The following AFF2 variants were observed in gnomAD, a reference collection of about 807,000 sequenced individuals.
AFF2 encodes ALF transcription elongation factor 2.
Under a neutral mutation model 76.9 loss-of-function variants are expected in AFF2, and 14 were observed. The ratio of observed to expected loss-of-function variants is 0.18; its 90% CI spans 0.12 to 0.28. AFF2 has a LOEUF of 0.28. Ranked by LOEUF, AFF2 falls within the 10% of genes least tolerant of loss-of-function variation. The pLI is 1.00. For synonymous variants in AFF2, 398 were observed against 366.7 expected (o/e 1.09, Z -0.98); for missense variants, 868 against 1,001.1 (o/e 0.87, Z 1.79).
chrX:148,857,682 A>T (rs73609903), intron 7 of AFF2, among the ~76,000 whole-genome samples: 7,779 of 110,686 alleles, frequency 0.07, 565 homozygotes, highest in African/African-American at 0.21. Context: ...CTTTCTCTGA[A>T]CAACATGATT....
chrX:148,796,964 T>C (rs192653898), intron 3 of AFF2, among the ~76,000 whole-genome samples: 9 of 112,437 alleles, frequency 8.0e-5, no homozygotes, highest in African/African-American at 1.6e-4. Flanking sequence ...CTAATTGTCA[T>C]TGTAGTATGT....
chrX:148,560,525 T>C, intron 1 of AFF2, among the ~76,000 whole-genome samples: 1 of 111,809 alleles, frequency 8.9e-6, no homozygotes, highest in Non-Finnish European at 1.9e-5. Context: ...AAGCCAAAAT[T>C]GACAAATGGG....
intron 18 of AFF2, 26 bp from the exon 19 acceptor site, chrX:148,980,712 C>T (rs781873051): frequency 1.7e-6 from 2 of 1,165,812 alleles, no homozygotes; most frequent in African/African-American, 1.8e-5. Context: ...GTCCTTATTT[C>T]CCTTTCTCTT....
intron 3 of AFF2, among the ~76,000 whole-genome samples, chrX:148,796,687 G>A (rs1180011416): frequency 1.8e-5 from 2 of 112,326 alleles, no homozygotes; most frequent in African/African-American, 3.2e-5. Flanking sequence ...TGAAAAGGTC[G>A]CAAGAACGCT....
chrX:148,679,168 C>G (rs2087747785), intron 3 of AFF2, among the ~76,000 whole-genome samples: 1 of 105,065 alleles, frequency 9.5e-6, no homozygotes, highest in African/African-American at 3.5e-5. Context: ...CATTTCTTTC[C>G]AAACTATATA....
At chrX:148,708,881 A>G (rs1557262640) in intron 3 of AFF2, among the ~76,000 whole-genome samples, 1 of 112,146 alleles carries the variant, frequency 8.9e-6, no homozygotes, top group Non-Finnish European at 1.9e-5. Context: ...TATATATTTT[A>G]CCGTTTTTCT....
rs190766207 is a variant in AFF2 at position 148,718,101 on chromosome X, A to G, written c.1041+55333A>G. On this transcript the variant is annotated intron_variant, in intron 3 of 20. Transcript: ENST00000370460. ...AAAGGAGTGTGGACTTACCTTTTGT[A>G]ACATCAGTGAAGAAAGGTTAAGGTT... Among the ~76,000 whole-genome samples, 16 of 109,974 alleles carry G rather than the reference A, an allele frequency of 1.5e-4. No homozygotes were observed. In the East Asian group the frequency reaches 4.3e-3, roughly 30 times the overall value.
chrX:148,843,027 T>C (rs1025419881), intron 6 of AFF2, 25 bp downstream of exon 6: 4 of 1,177,316 alleles, frequency 3.4e-6, no homozygotes, highest in Admixed American at 2.2e-5. Flanking sequence ...AAATCCTTCT[T>C]AGTCCAAACA....
intron 3 of AFF2, among the ~76,000 whole-genome samples, chrX:148,693,139 G>A (rs782348889): frequency 1.8e-5 from 2 of 110,880 alleles, no homozygotes; most frequent in South Asian, 3.9e-4. Context: ...GGATGGTCTC[G>A]AACTCCTGAC....
At chrX:148,944,345 G>T (rs2071874835) in intron 9 of AFF2, among the ~76,000 whole-genome samples, 2 of 111,681 alleles carry the variant, frequency 1.8e-5, no homozygotes, top group African/African-American at 3.3e-5. Flanking sequence ...GGAAGGTCTT[G>T]ACCTTGTTGT....
chrX:148,661,933 A>G lies in AFF2; in HGVS notation c.206A>G (p.Asn69Ser), dbSNP rs1261765641. Reference sequence around the variant, plus strand: ...ACAAACAAAGGTGATGCACTTGCCAACCGAGTCCAGAACACGCTTGGAAAC... The same window carrying G: ...ACAAACAAAGGTGATGCACTTGCCAGCCGAGTCCAGAACACGCTTGGAAAC... ...EYTNKGDALA[N>S]RVQNTLGNYD... The change falls in exon 3 of 21, where the codon AAC becomes AGC. Residue 69 changes from asparagine (N) to serine (S), a missense_variant. By Grantham distance (46) the Asn-to-Ser change is conservative. Transcript: ENST00000370460. The G allele has an allele frequency of 7.5e-6, 9 of 1,203,395 alleles. No individual in the cohort carries two copies. The highest frequency in any genetic ancestry group is 7.0e-5 in the African/African-American group (4 of 56,774).
chrX:148,704,340 G>A (rs2054845256), intron 3 of AFF2, among the ~76,000 whole-genome samples: 1 of 54,879 alleles, frequency 1.8e-5, no homozygotes, highest in Non-Finnish European at 3.3e-5. Context: ...ATATATGTGT[G>A]TATATATATA....
At chrX:148,676,554 A>G (rs1557259512) in intron 3 of AFF2, among the ~76,000 whole-genome samples, 1 of 112,223 alleles carries the variant, frequency 8.9e-6, no homozygotes, top group Non-Finnish European at 1.9e-5. Flanking sequence ...AGAGATATAG[A>G]CACAAAAACA....
At chrX:148,541,853 G>A (rs2052860947) in intron 1 of AFF2, among the ~76,000 whole-genome samples, 1 of 108,364 alleles carries the variant, frequency 9.2e-6, no homozygotes. Flanking sequence ...GATACCCAGG[G>A]CAGGCACTAT....
intron 1 of AFF2, among the ~76,000 whole-genome samples, chrX:148,626,279 A>G (rs2053925251): frequency 9.1e-6 from 1 of 109,839 alleles, no homozygotes; most frequent in Non-Finnish European, 1.9e-5. Context: ...TCTGCTTGCC[A>G]GCTTGCACCC....
chrX:148,733,000 A>T (rs2055245728), intron 3 of AFF2, among the ~76,000 whole-genome samples: 1 of 111,377 alleles, frequency 9.0e-6, no homozygotes, highest in Non-Finnish European at 1.9e-5. Context: ...TCTTTGGTCA[A>T]GAGGTTATTA....
intron 1 of AFF2, among the ~76,000 whole-genome samples, chrX:148,526,366 G>GTTTTTTTTTTTTTTTTT (rs34179499): frequency 1.6e-5 from 1 of 62,732 alleles, no homozygotes. Flanking sequence ...ATACAATCTT[G>GTTTTTTTTTTTTTTTTT]TTTTTTTTTT....
chrX:148,860,048 T>G (rs1318701924), intron 7 of AFF2, among the ~76,000 whole-genome samples: 4 of 111,780 alleles, frequency 3.6e-5, no homozygotes, highest in Non-Finnish European at 7.5e-5. Flanking sequence ...TTAAAAAATT[T>G]GAGTCGATAG....
chrX:148,741,701 A>G (rs2055357347), intron 3 of AFF2, among the ~76,000 whole-genome samples: 1 of 110,898 alleles, frequency 9.0e-6, no homozygotes, highest in Non-Finnish European at 1.9e-5. Context: ...CAGCTAAAGA[A>G]TTCCTTCTCC....
Sources: gnomAD v4.1 joint callset for allele counts (sites outside exome capture counted in the v4.1 genomes callset) on GRCh38, gnomAD v4.1.1 for gene constraint, MANE v1.5 for transcripts, NCBI Gene and HGNC (gene_info 2026-07-23, HGNC 2026-07-21) for gene names.